The following SLC35F4 variants were observed in gnomAD, a reference collection of about 807,000 sequenced individuals.
The protein encoded by SLC35F4 is solute carrier family 35 member F4, also known as chromosome 14 open reading frame 36.
Under a neutral mutation model 44.2 loss-of-function variants are expected in SLC35F4, and 24 were observed. The ratio of observed to expected loss-of-function variants is 0.54; its 90% CI spans 0.39 to 0.76. The LOEUF (loss-of-function observed/expected upper bound fraction) is 0.76, where lower values mean the gene tolerates loss of function less well. Ranked by LOEUF, SLC35F4 falls within the 30% of genes least tolerant of loss-of-function variation. The probability of loss-of-function intolerance (pLI) is 0.00; values close to 1 mark genes in which losing one functional copy is unlikely to be tolerated. For missense variants in SLC35F4, 562 were observed against 586.1 expected (o/e 0.96, Z 0.42); for synonymous variants, 238 against 223.6 (o/e 1.06, Z -0.57).
intron 1 of SLC35F4, among the ~76,000 whole-genome samples, chr14:57,971,252 ACTGCAATCC>A (rs943666575): frequency 6.6e-6 from 1 of 152,216 alleles, no homozygotes; most frequent in African/African-American, 2.4e-5. Context: ...AATAAGATAA[ACTGCAATCC>A]CTGCAATCTT....
At chr14:57,956,670 G>A (rs1178945854) in intron 1 of SLC35F4, among the ~76,000 whole-genome samples, 1 of 152,164 alleles carries the variant, frequency 6.6e-6, no homozygotes, top group Non-Finnish European at 1.5e-5. Flanking sequence ...CATTTATGTG[G>A]CCAACAAACA....
chr14:57,853,082 C>A (rs1247324022), intron 1 of SLC35F4, among the ~76,000 whole-genome samples: 1 of 152,176 alleles, frequency 6.6e-6, no homozygotes, highest in South Asian at 2.1e-4. Flanking sequence ...ATCGGAAAGA[C>A]CTGTTGTATT....
intron 1 of SLC35F4, among the ~76,000 whole-genome samples, chr14:57,872,623 A>T (rs1010818937): frequency 1.3e-5 from 2 of 152,146 alleles, no homozygotes; most frequent in African/African-American, 4.8e-5. Context: ...TGGCTCAAGC[A>T]CGTACAACCT....
intron 1 of SLC35F4, among the ~76,000 whole-genome samples, chr14:57,872,338 CTT>C (rs200486963): frequency 6.9e-6 from 1 of 145,266 alleles, no homozygotes; most frequent in Non-Finnish European, 1.5e-5. Context: ...GACATTCATC[CTT>C]TTTTTTTTTT....
At chr14:57,873,575 T>C (rs1182173797) in intron 1 of SLC35F4, among the ~76,000 whole-genome samples, 3 of 152,324 alleles carry the variant, frequency 2.0e-5, no homozygotes, top group South Asian at 2.1e-4. Flanking sequence ...GAATTCTAGA[T>C]TGTATACGGA....
intron 1 of SLC35F4, among the ~76,000 whole-genome samples, chr14:57,719,536 T>C (rs8015939): frequency 0.012 from 1,864 of 152,226 alleles, 38 homozygotes; most frequent in African/African-American, 0.043. Context: ...GAACTTTCAC[T>C]TTTTTGGTTA....
In SLC35F4 at chr14:57,563,975, C is replaced by T. The variant is rs974211786; in HGVS notation, c.*160G>A. The T allele has an allele frequency of 5.5e-6, 4 of 729,244 alleles. No individual in the cohort carries two copies. Among genetic ancestry groups the T allele is most frequent in the African/African-American group, 1.8e-5 (1 of 56,020 alleles). The allele number at this position is 729,244 out of a possible 1,614,324, so 45.2% of individuals were successfully genotyped here. Reference sequence around the variant, plus strand: ...CCATTATGATTATTTACACCAATTCCTTGATAAGCATATAAATGTAAACTT... The same window carrying T: ...CCATTATGATTATTTACACCAATTCTTTGATAAGCATATAAATGTAAACTT... On this transcript the variant is annotated 3_prime_UTR_variant, in exon 8 of 8. Coordinates refer to ENST00000556826, the MANE Select transcript of SLC35F4 (RefSeq NM_001306087.2).
intron 1 of SLC35F4, among the ~76,000 whole-genome samples, chr14:57,780,079 G>C (rs2077580315): frequency 6.6e-6 from 1 of 152,088 alleles, no homozygotes; most frequent in South Asian, 2.1e-4. Context: ...GGAAGTCTTA[G>C]CCAGAGCAAT....
At chr14:57,922,842 T>C (rs1470574606) in intron 1 of SLC35F4, among the ~76,000 whole-genome samples, 2 of 152,254 alleles carry the variant, frequency 1.3e-5, no homozygotes, top group Non-Finnish European at 2.9e-5. Flanking sequence ...CTTCTTCCTC[T>C]AACATAGCTG....
chr14:57,762,914 T>C (rs2077157341), intron 1 of SLC35F4, among the ~76,000 whole-genome samples: 3 of 152,158 alleles, frequency 2.0e-5, no homozygotes, highest in South Asian at 4.1e-4. Context: ...GATTCTTGTC[T>C]TGTAGCAATG....
intron 1 of SLC35F4, among the ~76,000 whole-genome samples, chr14:57,676,758 A>G (rs1355405721): frequency 6.6e-6 from 1 of 152,060 alleles, no homozygotes; most frequent in Non-Finnish European, 1.5e-5. Context: ...AAAGTCAAAA[A>G]ACAATGGCTG....
chr14:57,797,183 T>C (rs942808632), intron 1 of SLC35F4, among the ~76,000 whole-genome samples: 1 of 152,186 alleles, frequency 6.6e-6, no homozygotes, highest in Non-Finnish European at 1.5e-5. Flanking sequence ...GTGAATCTTA[T>C]CCATAGTCTA....
At chr14:57,696,465 G>T (rs2075386383) in intron 1 of SLC35F4, among the ~76,000 whole-genome samples, 1 of 152,184 alleles carries the variant, frequency 6.6e-6, no homozygotes, top group African/African-American at 2.4e-5. Context: ...TTACACTGTT[G>T]GTGGGACTGT....
intron 1 of SLC35F4, among the ~76,000 whole-genome samples, chr14:57,906,276 T>C (rs1339494957): frequency 6.6e-6 from 1 of 152,238 alleles, no homozygotes; most frequent in Non-Finnish European, 1.5e-5. Context: ...TCTCAGGCCT[T>C]TTCTGAGACT....
At chr14:57,634,731 TTG>T (rs146831664) in intron 1 of SLC35F4, among the ~76,000 whole-genome samples, 2,028 of 152,198 alleles carry the variant, frequency 0.013, 43 homozygotes, top group African/African-American at 0.046. Context: ...TCTGCTGATT[TTG>T]TTTGTTGTTT....
chr14:57,906,445 T>C lies in SLC35F4; in HGVS notation n.282+75468A>G, dbSNP rs137928152. Among the ~76,000 whole-genome samples the C allele has an allele frequency of 6.5e-3, 986 of 152,320 alleles. 11 individuals are homozygous for C. The highest frequency in any genetic ancestry group is 0.023 in the African/African-American group (947 of 41,560). On this transcript the variant is annotated intron_variant and non_coding_transcript_variant, in intron 1 of 1. Coordinates refer to the SLC35F4 transcript ENST00000556568. Reference sequence around the variant, plus strand: ...AGTTTTTTGGTATTCTGTCTTATGATTGTTGCATGACTTATTTAACCAGTG... The same window carrying C: ...AGTTTTTTGGTATTCTGTCTTATGACTGTTGCATGACTTATTTAACCAGTG...
In SLC35F4 at chr14:57,581,437, G is replaced by C. The variant is rs1390561354; in HGVS notation, c.588-4C>G. ...ACCAAAAATCCGACTGCATTCCCTA[G>C]GAAAGAAAAGAGAAGTTAATATCCA... On this transcript the variant is annotated splice_region_variant and splice_polypyrimidine_tract_variant and intron_variant, in intron 3 of 7. Transcript: ENST00000556826. 1 of 1,602,524 alleles carries C rather than the reference G, an allele frequency of 6.2e-7. No homozygotes were observed. Among genetic ancestry groups the C allele is most frequent in the Non-Finnish European group, 8.5e-7 (1 of 1,174,228 alleles).
chr14:57,796,547 A>T (rs2078057959), intron 1 of SLC35F4, among the ~76,000 whole-genome samples: 1 of 152,220 alleles, frequency 6.6e-6, no homozygotes, highest in Non-Finnish European at 1.5e-5. Context: ...CACATAAATT[A>T]AAAATATTAA....
chr14:57,668,810 C>T (rs567962482), intron 1 of SLC35F4, among the ~76,000 whole-genome samples: 3 of 152,088 alleles, frequency 2.0e-5, no homozygotes, highest in Non-Finnish European at 4.4e-5. Context: ...CTTGGCGATG[C>T]GGGCTCTTTT....
Sources: allele counts gnomAD v4.1 joint callset (sites outside exome capture counted in the v4.1 genomes callset), GRCh38; gene constraint gnomAD v4.1.1; transcripts MANE v1.5; gene names NCBI Gene and HGNC (gene_info 2026-07-23, HGNC 2026-07-21).